Variants in NAALADL2 observed in about 807,000 individuals in gnomAD.
NAALADL2 encodes N-acetylated alpha-linked acidic dipeptidase like 2.
NAALADL2 carries 76 observed loss-of-function variants against 87.2 expected under a neutral mutation model. That is an observed-to-expected ratio of 0.87 (90% CI 0.72 to 1.05). The LOEUF is 1.05. Among genes scored for constraint, NAALADL2 ranks in the 50% least tolerant of loss-of-function variants. The pLI, the probability that NAALADL2 is intolerant of heterozygous loss-of-function variation, is 0.00. For missense variants in NAALADL2, 1,089 were observed against 945.8 expected, an observed-to-expected ratio of 1.15 and a Z score of -1.99; for synonymous variants, 354 against 331.0, an observed-to-expected ratio of 1.07 and a Z score of -0.75.
chr3:175,347,959 C>A (rs376580128), intron 5 of NAALADL2, among the ~76,000 whole-genome samples: 25 of 152,198 alleles, frequency 1.6e-4, no homozygotes, highest in African/African-American at 5.8e-4. Context: ...TTGTTCAACT[C>A]CCACTTACAA....
intron 1 of NAALADL2, among the ~76,000 whole-genome samples, chr3:174,989,205 C>T (rs1560448044): frequency 6.6e-6 from 1 of 152,148 alleles, no homozygotes; most frequent in Non-Finnish European, 1.5e-5. Flanking sequence ...CCCATCGGGC[C>T]CCACCTCCAA....
At chr3:175,421,287 G>A (rs1181484549) in intron 5 of NAALADL2, among the ~76,000 whole-genome samples, 1 of 151,942 alleles carries the variant, frequency 6.6e-6, no homozygotes, top group Non-Finnish European at 1.5e-5. Context: ...TCGTAGCATT[G>A]TTCACACAGC....
intron 1 of NAALADL2, among the ~76,000 whole-genome samples, chr3:174,543,763 T>A (rs1722477847): frequency 6.6e-6 from 1 of 152,006 alleles, no homozygotes; most frequent in Admixed American, 6.5e-5. Context: ...ATCCCAGCAC[T>A]TTGGGAGGCC....
At chr3:175,686,850 G>A (rs1582893212) in intron 11 of NAALADL2, among the ~76,000 whole-genome samples, 1 of 152,158 alleles carries the variant, frequency 6.6e-6, no homozygotes, top group South Asian at 2.1e-4. Flanking sequence ...TGAAAAAACA[G>A]TGGTGAAAAT....
chr3:174,557,241 A>G lies in NAALADL2; in HGVS notation c.-115+6604A>G, dbSNP rs144285310. 5.3e-5 allele frequency among the ~76,000 whole-genome samples: 8 copies of G among 152,296 alleles called. 1 individual carries two copies. The East Asian group carries it at 1.4e-3, about 26-fold the overall frequency. On this transcript the variant is annotated intron_variant, in intron 2 of 3. Coordinates refer to the NAALADL2 transcript ENST00000434257. ...TTTCTTAATCATTGACCTACACGAAATAGTTGACCTACATGCCACAAAAAC... is the reference window on the plus strand; with the variant it reads ...TTTCTTAATCATTGACCTACACGAAGTAGTTGACCTACATGCCACAAAAAC...
chr3:175,346,355 A>G (rs1413613090), intron 5 of NAALADL2, among the ~76,000 whole-genome samples: 2 of 152,126 alleles, frequency 1.3e-5, no homozygotes, highest in African/African-American at 4.8e-5. Flanking sequence ...ACAAATATGC[A>G]TGTGTGTAAT....
chr3:174,818,280 T>A (rs1721016099), intron 3 of NAALADL2, among the ~76,000 whole-genome samples: 1 of 152,144 alleles, frequency 6.6e-6, no homozygotes, highest in African/African-American at 2.4e-5. Flanking sequence ...GAGCAGAGAT[T>A]AGGTGCCACG....
At chr3:174,497,257 G>A (rs1418358342) in intron 1 of NAALADL2, among the ~76,000 whole-genome samples, 1 of 152,052 alleles carries the variant, frequency 6.6e-6, no homozygotes, top group African/African-American at 2.4e-5. Context: ...ACTGGGGTCA[G>A]AGGAAGAACT....
intron 1 of NAALADL2, among the ~76,000 whole-genome samples, chr3:174,940,995 A>T (rs1738499687): frequency 6.6e-6 from 1 of 151,734 alleles, no homozygotes; most frequent in Non-Finnish European, 1.5e-5. Flanking sequence ...TTTGTGTCTT[A>T]ATTTCCTTCG....
At chr3:175,338,591 A>T (rs1762236314) in intron 5 of NAALADL2, among the ~76,000 whole-genome samples, 1 of 116,360 alleles carries the variant, frequency 8.6e-6, no homozygotes, top group African/African-American at 3.2e-5. Context: ...AAAATACAAA[A>T]ACCAAAAAAA....
intron 1 of NAALADL2, chr3:174,523,375 A>G (rs549534526): frequency 1.3e-5 from 2 of 152,326 alleles, no homozygotes; most frequent in Admixed American, 6.5e-5. Context: ...TAATGAATTC[A>G]AAGTTTTATA....
chr3:174,479,740 A>G (rs1717439479), intron 1 of NAALADL2, among the ~76,000 whole-genome samples: 1 of 149,820 alleles, frequency 6.7e-6, no homozygotes, highest in Non-Finnish European at 1.5e-5. Flanking sequence ...TTTTCCATTA[A>G]CTGCCTACTA....
chr3:175,788,046 A>T (rs1394427339), intron 13 of NAALADL2, among the ~76,000 whole-genome samples: 1 of 150,296 alleles, frequency 6.7e-6, no homozygotes, highest in Non-Finnish European at 1.5e-5. Context: ...TTCAAGCTTC[A>T]TTCATGGTAA....
chr3:174,844,942 G>C (rs1379761073), intron 3 of NAALADL2, among the ~76,000 whole-genome samples: 1 of 138,590 alleles, frequency 7.2e-6, no homozygotes, highest in African/African-American at 2.7e-5. Flanking sequence ...CAGGCAGAAA[G>C]CTCTCTCTGC....
At chr3:174,563,439 A>C (rs1011148606) in intron 2 of NAALADL2, among the ~76,000 whole-genome samples, 1 of 151,748 alleles carries the variant, frequency 6.6e-6, no homozygotes, top group Non-Finnish European at 1.5e-5. Flanking sequence ...AACTCAAATC[A>C]TACTCTTAAA....
At position 175,522,931 on chromosome 3, in the gene NAALADL2, C is replaced by T. The variant is rs188249256; in HGVS notation, c.1653+51173C>T. Among the ~76,000 whole-genome samples, 14 of 152,234 alleles carry T rather than the reference C, an allele frequency of 9.2e-5. No individual in the cohort carries two copies. The East Asian group carries it at 2.3e-3, about 25-fold the overall frequency. The stretch of plus-strand genomic sequence containing the variant: ...ATAAGGTTCAATTGCAAGAAATAAA[C>T]ATTTATGAAAGTTTTCCTGGAAGAC... On this transcript the variant is annotated intron_variant, in intron 9 of 13. Transcript: ENST00000454872.
At chr3:174,816,417 T>TGTGCGC (rs1553863792) in intron 3 of NAALADL2, among the ~76,000 whole-genome samples, 2 of 149,920 alleles carry the variant, frequency 1.3e-5, no homozygotes, top group African/African-American at 2.4e-5. Flanking sequence ...TGTGTGCGTG[T>TGTGCGC]GTGTGTGTGT....
At chr3:174,784,170 TTAG>T (rs1716328202) in intron 3 of NAALADL2, among the ~76,000 whole-genome samples, 1 of 152,226 alleles carries the variant, frequency 6.6e-6, no homozygotes, top group Non-Finnish European at 1.5e-5. Context: ...AGTTTGTTTA[TTAG>T]TAATGTATAT....
rs13079244 is a variant in NAALADL2, at chr3:175,045,028, A to G, written c.44-51762A>G. ...ATATATGTTTATCAGTTTATATTTT[A>G]TTTCCCCCATCCCATTGCAACCCTG... On this transcript the variant is annotated intron_variant, in intron 1 of 13. Coordinates refer to ENST00000454872, the MANE Select transcript of NAALADL2 (RefSeq NM_207015.3). 3.6e-3 allele frequency among the ~76,000 whole-genome samples: 537 copies of G among 151,262 alleles called. 2 individuals carry two copies. Among genetic ancestry groups the G allele is most frequent in the Non-Finnish European group, 5.9e-3 (398 of 67,742 alleles).
Sources: gnomAD v4.1 joint callset for allele counts (sites outside exome capture counted in the v4.1 genomes callset) on GRCh38, gnomAD v4.1.1 for gene constraint, MANE v1.5 for transcripts, NCBI Gene and HGNC (gene_info 2026-07-23, HGNC 2026-07-21) for gene names.